Variants in ACSL1 observed in about 807,000 individuals in gnomAD.
The protein encoded by ACSL1 is acyl-CoA synthetase long chain family member 1.
A neutral mutation model predicts 98.4 loss-of-function variants in ACSL1; 41 were observed. The observed-to-expected ratio is 0.42, with a 90% CI of 0.32 to 0.54. The LOEUF is 0.54. Among genes scored for constraint, ACSL1 ranks in the 20% least tolerant of loss-of-function variants. The pLI is 0.13. For missense variants in ACSL1, 734 were observed against 883.1 expected, an observed-to-expected ratio of 0.83 and a Z score of 2.14; for synonymous variants, 316 against 322.7, an observed-to-expected ratio of 0.98 and a Z score of 0.22.
chr4:184,771,465 C>T lies in ACSL1; in HGVS notation c.916-989G>A, dbSNP rs113588813. Among the ~76,000 whole-genome samples, 209 of 152,262 alleles carry T rather than the reference C, an allele frequency of 1.4e-3. 3 individuals carry two copies. The highest frequency in any genetic ancestry group is 4.5e-3 in the African/African-American group (185 of 41,546). On this transcript the variant is annotated intron_variant, in intron 10 of 20. Transcript: ENST00000281455. Reference sequence around the variant, plus strand: ...TTTAATACCTTAAAGCCCTACTTTACATATCACAATTTGTTTAATGCAACC... The same window carrying T: ...TTTAATACCTTAAAGCCCTACTTTATATATCACAATTTGTTTAATGCAACC...
chr4:184,815,489 T>TC (rs1554025766), intron 1 of ACSL1, among the ~76,000 whole-genome samples: 1 of 151,510 alleles, frequency 6.6e-6, no homozygotes, highest in Non-Finnish European at 1.5e-5. Flanking sequence ...GACCCAGGCC[T>TC]GGGGGGGGAA....
rs753929526 is a variant in ACSL1 at position 184,788,633 on chromosome 4, C to T, written c.294G>A (p.Arg98=). The T allele has an allele frequency of 6.2e-6, 10 of 1,614,056 alleles. No homozygotes were observed. Among genetic ancestry groups the T allele is most frequent in the South Asian group, 1.1e-5 (1 of 91,074 alleles). The change falls in exon 3 of 21, where the codon AGG becomes AGA. Residue 98 remains arginine, a synonymous_variant. Transcript: ENST00000281455. ...DVTTLYEGFQ[R]GIQVSNNGPC... is the part of the protein sequence containing the mutation. ...AATGCTTACTTGACACCTGTATTCCCCTCTGGAAACCTTCGTATAATGTTG... is the reference window on the plus strand; with the variant it reads ...AATGCTTACTTGACACCTGTATTCCTCTCTGGAAACCTTCGTATAATGTTG...
chr4:184,759,503 C>T (rs1004425353), intron 18 of ACSL1, among the ~76,000 whole-genome samples: 17 of 152,008 alleles, frequency 1.1e-4, no homozygotes, highest in Admixed American at 2.6e-4. Flanking sequence ...AAAAAACAAC[C>T]CCATCAAAAA....
chr4:184,798,057 G>A (rs1040018646), intron 2 of ACSL1, among the ~76,000 whole-genome samples: 1 of 152,246 alleles, frequency 6.6e-6, no homozygotes, highest in Admixed American at 6.5e-5. Flanking sequence ...TGACCTGGAG[G>A]TCAAGAGATC....
rs1171665541 is a variant in ACSL1 at position 184,803,495 on chromosome 4, A to T, written c.20T>A (p.Phe7Tyr). The change falls in exon 2 of 21, where the codon TTC becomes TAC. Residue 7 changes from phenylalanine to tyrosine, a missense_variant. By Grantham distance (22) the Phe-to-Tyr change is conservative. Coordinates refer to ENST00000281455, the MANE Select transcript of ACSL1 (RefSeq NM_001995.5). The surrounding 1 kb of genome is among the most constrained non-coding windows in gnomAD (Gnocchi z 4.8). MQAHELFRYFRMPELVD... is the reference protein window; with the variant it reads MQAHELYRYFRMPELVD... ...CAGCTCTGGCATTCGAAAATACCGGAACAGCTCATGGGCTTGCATTGTCCT... is the reference window on the plus strand; with the variant it reads ...CAGCTCTGGCATTCGAAAATACCGGTACAGCTCATGGGCTTGCATTGTCCT... The T allele has an allele frequency of 6.3e-7, 1 of 1,599,442 alleles. No individual in the cohort carries two copies. Among genetic ancestry groups the T allele is most frequent in the Non-Finnish European group, 8.5e-7 (1 of 1,171,702 alleles).
chr4:184,759,715 A>T (rs915310078), intron 18 of ACSL1, among the ~76,000 whole-genome samples: 3 of 152,182 alleles, frequency 2.0e-5, no homozygotes, highest in African/African-American at 7.2e-5. Flanking sequence ...GAGAAATAGG[A>T]ACGCTTTTAC....
chr4:184,786,782 C>G (rs1203529652), intron 3 of ACSL1, among the ~76,000 whole-genome samples: 7 of 151,556 alleles, frequency 4.6e-5, no homozygotes, highest in Non-Finnish European at 8.8e-5. Flanking sequence ...CAACCTCCAC[C>G]TCTCCGGTTC....
At chr4:184,777,231 G>A (rs1765428776) in intron 5 of ACSL1, among the ~76,000 whole-genome samples, 1 of 152,218 alleles carries the variant, frequency 6.6e-6, no homozygotes, top group African/African-American at 2.4e-5. Flanking sequence ...ACTTTGGGAG[G>A]CCAAGGTTGG....
At chr4:184,818,576 A>C (rs536235150) in intron 1 of ACSL1, among the ~76,000 whole-genome samples, 28 of 152,294 alleles carry the variant, frequency 1.8e-4, no homozygotes, top group African/African-American at 6.7e-4. Flanking sequence ...ACATCTGACC[A>C]TCGGAACCTG....
chr4:184,774,296 C>T (rs1322721163), intron 7 of ACSL1, among the ~76,000 whole-genome samples: 3 of 152,172 alleles, frequency 2.0e-5, no homozygotes, highest in African/African-American at 7.2e-5. Flanking sequence ...CACAGCACTA[C>T]CTCACCCCCA....
chr4:184,800,356 C>G (rs985481695), intron 2 of ACSL1, among the ~76,000 whole-genome samples: 1 of 152,188 alleles, frequency 6.6e-6, no homozygotes, highest in Non-Finnish European at 1.5e-5. Context: ...TGCTCCTGTA[C>G]TTTGCTTAAC....
intron 2 of ACSL1, among the ~76,000 whole-genome samples, chr4:184,801,578 T>C (rs1032544017): frequency 1.3e-5 from 2 of 152,232 alleles, no homozygotes; most frequent in African/African-American, 2.4e-5. Flanking sequence ...TCTGTAATTA[T>C]TAAGCACCAG....
chr4:184,766,868 C>G lies in ACSL1; in HGVS notation c.1129-112G>C. On this transcript the variant is annotated intron_variant, in intron 12 of 20. Transcript: ENST00000281455. This position sits in a 1 kb window ranked among gnomAD's most constrained non-coding sequence, Gnocchi z 4.8. Reference sequence around the variant, plus strand: ...AGCTGGGGAACACAAAATGGCACAGCTGCTCTGACAGCCTGGCCGGTCCTC... The same window carrying G: ...AGCTGGGGAACACAAAATGGCACAGGTGCTCTGACAGCCTGGCCGGTCCTC... The G allele has an allele frequency of 6.4e-6, 8 of 1,256,702 alleles. No individual in the cohort carries two copies. Among genetic ancestry groups the G allele is most frequent in the Non-Finnish European group, 8.7e-6 (8 of 919,660 alleles). The allele number at this position is 1,256,702 out of a possible 1,614,324, so 77.8% of individuals were successfully genotyped here.
In ACSL1 at chr4:184,760,518, G is replaced by C. The variant is rs1191175882; in HGVS notation, c.1639-18C>G. The C allele has an allele frequency of 4.3e-6, 7 of 1,613,618 alleles. No homozygotes were observed. Among genetic ancestry groups the C allele is most frequent in the Non-Finnish European group, 5.9e-6 (7 of 1,179,676 alleles). ...GTGCCATTCTGTTGATCAGAGGGGA[G>C]GGGGTTATGAATGGGCTGATGGCTG... On this transcript the variant is annotated intron_variant, in intron 17 of 20. Coordinates refer to ENST00000281455, the MANE Select transcript of ACSL1 (RefSeq NM_001995.5).
rs1764876689 is a variant in ACSL1, at chr4:184,773,869, C to T, written c.763G>A (p.Gly255Arg). Residue 255 changes from glycine to arginine, a missense_variant, in exon 8 of 21, where the codon GGA becomes AGA. By Grantham distance (125) the Gly-to-Arg change is moderately radical. Coordinates refer to ENST00000281455, the MANE Select transcript of ACSL1 (RefSeq NM_001995.5). The surrounding 1 kb of genome is among the most constrained non-coding windows in gnomAD (Gnocchi z 4.3). ...VTSMKAMEDL[G>R]RANRRKPKPP... ...TTGGGCTTCCGTCTGTTGGCTCTTC[C>T]CAGGTCCTTAATTAGAAGAGAAAAA... 1.2e-6 allele frequency: 2 copies of T among 1,613,894 alleles called. No individual in the cohort carries two copies. The highest frequency in any genetic ancestry group is 8.5e-7 in the Non-Finnish European group (1 of 1,179,846).
chr4:184,824,502 G>A (rs1198268262), intron 1 of ACSL1, among the ~76,000 whole-genome samples: 1 of 152,162 alleles, frequency 6.6e-6, no homozygotes, highest in South Asian at 2.1e-4. Flanking sequence ...TTAAAGGGGA[G>A]AGGTATAAGG....
chr4:184,818,692 T>C (rs1772821754), intron 1 of ACSL1, among the ~76,000 whole-genome samples: 1 of 152,176 alleles, frequency 6.6e-6, no homozygotes, highest in Non-Finnish European at 1.5e-5. Context: ...AGGTCTCCCA[T>C]GTGCCCAGAG....
In ACSL1 at chr4:184,757,088, G is replaced by A; in HGVS notation, c.*37C>T. On this transcript the variant is annotated 3_prime_UTR_variant, in exon 21 of 21. Transcript: ENST00000281455. The surrounding 1 kb of genome is among the most constrained non-coding windows in gnomAD (Gnocchi z 4.5). ...GGCCATCAGCAGGAGAAGAGATTGT[G>A]GAACTGTGCCATTTCCTCTGAGCTT... 3.9e-6 allele frequency: 6 copies of A among 1,534,054 alleles called. No individual in the cohort carries two copies. The highest frequency in any genetic ancestry group is 5.3e-6 in the Non-Finnish European group (6 of 1,127,756).
intron 1 of ACSL1, chr4:184,808,301 G>A (rs933227418): frequency 2.0e-6 from 2 of 984,904 alleles, no homozygotes; most frequent in African/African-American, 1.8e-5. Context: ...CATTAACATT[G>A]TATTCTCTTC....
Sources: gnomAD v4.1 joint callset for allele counts (sites outside exome capture counted in the v4.1 genomes callset) on GRCh38, gnomAD v4.1.1 for gene constraint, Gnocchi (gnomAD v3.1) non-coding constraint, MANE v1.5 for transcripts, NCBI Gene and HGNC (gene_info 2026-07-23, HGNC 2026-07-21) for gene names.